CHSY3: variants seen among roughly 807,000 people sequenced by gnomAD.
CHSY3 encodes N-acetylgalactosaminyl-proteoglycan 3-beta-glucuronosyltransferase 3.
CHSY3 carries 35 observed loss-of-function variants against 67.2 expected under a neutral mutation model. The observed-to-expected ratio is 0.52, with a 90% CI of 0.40 to 0.69. CHSY3 has a LOEUF of 0.69. Among genes scored for constraint, CHSY3 ranks in the 30% least tolerant of loss-of-function variants. The pLI is 0.00. For synonymous variants in CHSY3, 474 were observed against 434.7 expected, an observed-to-expected ratio of 1.09 and a Z score of -1.12; for missense variants, 1,069 against 1,138.5, an observed-to-expected ratio of 0.94 and a Z score of 0.88.
At chr5:130,125,676 C>G (rs924813966) in intron 2 of CHSY3, among the ~76,000 whole-genome samples, 1 of 152,170 alleles carries the variant, frequency 6.6e-6, no homozygotes, top group African/African-American at 2.4e-5. Context: ...GAACCCAAAT[C>G]TATACATGAC....
intron 2 of CHSY3, among the ~76,000 whole-genome samples, chr5:130,181,644 A>G (rs1262938908): frequency 1.3e-5 from 2 of 152,214 alleles, no homozygotes; most frequent in Non-Finnish European, 2.9e-5. Context: ...TTAAATGCAC[A>G]CATATGACCA....
chr5:130,107,848 C>A (rs1767461351), intron 2 of CHSY3, among the ~76,000 whole-genome samples: 1 of 151,662 alleles, frequency 6.6e-6, no homozygotes, highest in South Asian at 2.1e-4. Flanking sequence ...CAGTTGGCTG[C>A]TTAATTCTTC....
chr5:130,085,369 G>GA (rs200463652), intron 2 of CHSY3, among the ~76,000 whole-genome samples: 1,799 of 152,064 alleles, frequency 0.012, 16 homozygotes, highest in Middle Eastern at 0.031. Flanking sequence ...CTCAGTGTCA[G>GA]AAAAAATAGT....
At chr5:129,936,833 T>C (rs998174858) in intron 2 of CHSY3, among the ~76,000 whole-genome samples, 3 of 152,178 alleles carry the variant, frequency 2.0e-5, no homozygotes, top group Non-Finnish European at 2.9e-5. Flanking sequence ...ATTCTGGCCA[T>C]AGGCTCCTCA....
At chr5:129,990,855 G>T (rs181412869) in intron 2 of CHSY3, among the ~76,000 whole-genome samples, 178 of 152,170 alleles carry the variant, frequency 1.2e-3, no homozygotes, top group African/African-American at 4.0e-3. Flanking sequence ...GCAGTAAGGT[G>T]GTAACATGAT....
chr5:130,089,292 C>T (rs1377194140), intron 2 of CHSY3, among the ~76,000 whole-genome samples: 1 of 150,888 alleles, frequency 6.6e-6, no homozygotes, highest in Admixed American at 6.6e-5. Context: ...TTAATGGGTG[C>T]AGCACACCAG....
At chr5:130,043,255 A>G (rs1019232868) in intron 2 of CHSY3, among the ~76,000 whole-genome samples, 1 of 151,824 alleles carries the variant, frequency 6.6e-6, no homozygotes, top group Non-Finnish European at 1.5e-5. Flanking sequence ...TTTAATAGAT[A>G]TTTTATCTTT....
chr5:129,999,203 C>T (rs1196785457), intron 2 of CHSY3, among the ~76,000 whole-genome samples: 8 of 145,824 alleles, frequency 5.5e-5, no homozygotes, highest in East Asian at 2.1e-4. Context: ...TTTTTCTATA[C>T]GTTGAGATGG....
At chr5:130,180,419 TA>T (rs760039729) in intron 2 of CHSY3, among the ~76,000 whole-genome samples, 5 of 152,362 alleles carry the variant, frequency 3.3e-5, no homozygotes, top group Non-Finnish European at 7.3e-5. Context: ...TGATATTTGG[TA>T]AATTTATACA....
intron 2 of CHSY3, among the ~76,000 whole-genome samples, chr5:130,108,328 C>T (rs192386548): frequency 3.9e-4 from 59 of 151,618 alleles, no homozygotes; most frequent in African/African-American, 1.4e-3. Flanking sequence ...AAATTATCCT[C>T]CTGCGTTAGT....
intron 2 of CHSY3, among the ~76,000 whole-genome samples, chr5:130,036,608 C>A (rs1329273817): frequency 6.6e-6 from 1 of 152,090 alleles, no homozygotes; most frequent in Admixed American, 6.6e-5. Flanking sequence ...ACCTTGGAGC[C>A]CTACAGATCT....
intron 2 of CHSY3, among the ~76,000 whole-genome samples, chr5:130,138,417 A>T (rs1159727043): frequency 6.6e-6 from 1 of 152,216 alleles, no homozygotes; most frequent in African/African-American, 2.4e-5. Flanking sequence ...CCACAGGGCC[A>T]CATGGTTCTG....
At chr5:130,059,668 T>C (rs199958902) in intron 2 of CHSY3, among the ~76,000 whole-genome samples, 9 of 152,266 alleles carry the variant, frequency 5.9e-5, no homozygotes, top group East Asian at 5.8e-4. Flanking sequence ...ATAAATATCT[T>C]TGGGGTGGGT....
intron 2 of CHSY3, among the ~76,000 whole-genome samples, chr5:129,988,995 G>A (rs1336715560): frequency 6.6e-6 from 1 of 152,168 alleles, no homozygotes; most frequent in Non-Finnish European, 1.5e-5. Context: ...ATTCCAGTAA[G>A]GGATGCCTCT....
At chr5:130,079,550 C>A (rs1369712307) in intron 2 of CHSY3, among the ~76,000 whole-genome samples, 1 of 151,978 alleles carries the variant, frequency 6.6e-6, no homozygotes, top group African/African-American at 2.4e-5. Flanking sequence ...TTTCTAATAT[C>A]TAAAGAAAAT....
chr5:129,934,820 G>A (rs116555697), intron 2 of CHSY3, among the ~76,000 whole-genome samples: 1 of 152,156 alleles, frequency 6.6e-6, no homozygotes, highest in Non-Finnish European at 1.5e-5. Context: ...GAGAAAACAG[G>A]TTGCTTTATT....
At chr5:130,068,019 G>A (rs1694991697) in intron 2 of CHSY3, among the ~76,000 whole-genome samples, 1 of 152,102 alleles carries the variant, frequency 6.6e-6, no homozygotes. Context: ...AAATGTCCAG[G>A]CAGCTGTAAA....
chr5:129,984,986 G>T (rs1194591104), intron 2 of CHSY3, among the ~76,000 whole-genome samples: 3 of 152,030 alleles, frequency 2.0e-5, no homozygotes, highest in African/African-American at 2.4e-5. Context: ...TTATGCTGTT[G>T]ATAGTTTTGT....
At chr5:130,043,630 T>G (rs1174250477) in intron 2 of CHSY3, among the ~76,000 whole-genome samples, 1 of 152,182 alleles carries the variant, frequency 6.6e-6, no homozygotes. Context: ...GATACAATTA[T>G]CCTTTGCAGT....
Sources: allele counts gnomAD v4.1 joint callset (sites outside exome capture counted in the v4.1 genomes callset), GRCh38; gene constraint gnomAD v4.1.1; transcripts MANE v1.5; gene names NCBI Gene and HGNC (gene_info 2026-07-23, HGNC 2026-07-21).